Variants in B4GALNT3 observed in about 807,000 individuals in gnomAD.
The protein encoded by B4GALNT3 is beta-1,4-N-acetyl-galactosaminyltransferase 3, also known as beta-1,4-N-acetylgalactosaminyltransferase 3.
Under a neutral mutation model 120.2 loss-of-function variants are expected in B4GALNT3, and 86 were observed. The ratio of observed to expected loss-of-function variants is 0.72; its 90% CI spans 0.60 to 0.86. The LOEUF is 0.86. Among genes scored for constraint, B4GALNT3 ranks in the 40% least tolerant of loss-of-function variants. The pLI is 0.00. For synonymous variants in B4GALNT3, 518 were observed against 510.4 expected, an observed-to-expected ratio of 1.01 and a Z score of -0.20; for missense variants, 1,167 against 1,298.9, an observed-to-expected ratio of 0.90 and a Z score of 1.56.
intron 1 of B4GALNT3, among the ~76,000 whole-genome samples, chr12:490,352 A>G (rs1328449990): frequency 6.6e-6 from 1 of 152,214 alleles, no homozygotes; most frequent in Non-Finnish European, 1.5e-5. Context: ...CCTCTAAGCC[A>G]TGCTAACTAA....
intron 1 of B4GALNT3, among the ~76,000 whole-genome samples, chr12:512,260 CTT>C (rs568412090): frequency 1.2e-5 from 1 of 83,972 alleles, no homozygotes; most frequent in Non-Finnish European, 2.1e-5. Context: ...CTTCCACCTT[CTT>C]CCACCTTCTT....
Position 545,355 on chromosome 12 carries a change from TC to T in B4GALNT3, c.539-10del. 6.2e-7 allele frequency: 1 copy of T among 1,603,844 alleles called. No homozygotes were observed. The highest frequency in any genetic ancestry group is 8.5e-7 in the Non-Finnish European group (1 of 1,175,882). On this transcript the variant is annotated splice_polypyrimidine_tract_variant and intron_variant, in intron 5 of 19. Transcript: ENST00000266383. Reference sequence around the variant, plus strand: ...CCTCCTTGCCCTCATCTGGAAACTCTCCCCGCTGCCCAGGGAAAATCCAGTT... The same window carrying T: ...CCTCCTTGCCCTCATCTGGAAACTCTCCCGCTGCCCAGGGAAAATCCAGTT...
intron 1 of B4GALNT3, among the ~76,000 whole-genome samples, chr12:528,676 C>T (rs149419410): frequency 1.3e-4 from 20 of 152,124 alleles, no homozygotes; most frequent in African/African-American, 4.6e-4. Context: ...AGGTTTCTGG[C>T]GGGGTTCAGG....
intron 1 of B4GALNT3, among the ~76,000 whole-genome samples, chr12:464,342 A>T (rs929953734): frequency 3.3e-5 from 5 of 152,176 alleles, no homozygotes; most frequent in African/African-American, 9.7e-5. Context: ...AGAGTTCTGG[A>T]CTAGAGGCCG....
chr12:546,877 C>T (rs528385597), intron 7 of B4GALNT3, 164 bp downstream of exon 7: 8 of 656,770 alleles, frequency 1.2e-5, no homozygotes, highest in African/African-American at 5.5e-5. Context: ...CGAGCCCATC[C>T]GTCCTCGTTT....
intron 1 of B4GALNT3, among the ~76,000 whole-genome samples, chr12:506,851 T>C (rs895190928): frequency 1.3e-5 from 2 of 152,200 alleles, no homozygotes; most frequent in Non-Finnish European, 2.9e-5. Flanking sequence ...TTAGCCAGGA[T>C]GGTCTCGATC....
chr12:484,439 G>T (rs1306015193), intron 1 of B4GALNT3, among the ~76,000 whole-genome samples: 1 of 152,144 alleles, frequency 6.6e-6, no homozygotes, highest in African/African-American at 2.4e-5. Flanking sequence ...AGTGGTTCTC[G>T]GCCTGGCTGC....
chr12:558,818 C>T (rs1339643223), intron 18 of B4GALNT3, among the ~76,000 whole-genome samples, 157 bp downstream of exon 18: 1 of 151,890 alleles, frequency 6.6e-6, no homozygotes, highest in Non-Finnish European at 1.5e-5. Flanking sequence ...ACTCACCAGA[C>T]AAGGTCCCCT....
At chr12:552,618 C>T in intron 13 of B4GALNT3, 90 bp downstream of exon 13, 1 of 1,281,352 alleles carries the variant, frequency 7.8e-7, no homozygotes, top group Non-Finnish European at 1.1e-6. Context: ...GCCAGCCCCG[C>T]CCCTGAGGAG....
intron 1 of B4GALNT3, among the ~76,000 whole-genome samples, chr12:469,560 T>C (rs944097402): frequency 4.6e-5 from 7 of 152,270 alleles, no homozygotes; most frequent in African/African-American, 1.4e-4. Flanking sequence ...CTTCAATCAC[T>C]TTTTTCCTCC....
intron 3 of B4GALNT3, among the ~76,000 whole-genome samples, chr12:536,745 G>A (rs56112138): frequency 0.1 from 15,868 of 152,270 alleles, 1,049 homozygotes; most frequent in South Asian, 0.15. Flanking sequence ...GGCCTACTGT[G>A]TGGCAGGCTT....
intron 1 of B4GALNT3, among the ~76,000 whole-genome samples, chr12:500,039 G>GTTGCTCTCTTT (rs1946423502): frequency 6.6e-6 from 1 of 152,140 alleles, no homozygotes; most frequent in African/African-American, 2.4e-5. Flanking sequence ...TTGCTCTCTT[G>GTTGCTCTCTTT]TTCGATAGCA....
intron 1 of B4GALNT3, among the ~76,000 whole-genome samples, chr12:514,284 A>G (rs56770340): frequency 0.029 from 3,720 of 129,502 alleles, 81 homozygotes; most frequent in African/African-American, 0.057. Context: ...TGCAAGCTCC[A>G]CCTCCCGGGT....
In B4GALNT3 at chr12:525,086, T is replaced by TTTTGTTTA. The variant is rs1555156518; in HGVS notation, c.170-10077_170-10076insGTTTATTT. The stretch of plus-strand genomic sequence containing the variant: ...TCTAGCCTCTTCATAAATAACACAA[T>TTTTGTTTA]TTTATTTATTTATTTATTTATTTAT... On this transcript the variant is annotated intron_variant, in intron 1 of 19. Coordinates refer to ENST00000266383, the MANE Select transcript of B4GALNT3 (RefSeq NM_173593.4). Among the ~76,000 whole-genome samples, 609 of 130,616 alleles carry TTTTGTTTA rather than the reference T, an allele frequency of 4.7e-3. 3 individuals are homozygous for TTTTGTTTA. The highest frequency in any genetic ancestry group is 0.015 in the African/African-American group (579 of 39,660). 85.7% of individuals were successfully genotyped at this position (130,616 alleles called of 152,430 possible). A position where few individuals can be genotyped will look rare whatever the true frequency, so the allele number is the denominator to read the frequency against.
intron 1 of B4GALNT3, among the ~76,000 whole-genome samples, chr12:461,812 G>A (rs1946025650): frequency 6.6e-6 from 1 of 152,156 alleles, no homozygotes; most frequent in Admixed American, 6.6e-5. Flanking sequence ...TGTGGTGATG[G>A]AAATCATTCC....
At chr12:470,650 C>T (rs753526268) in intron 1 of B4GALNT3, among the ~76,000 whole-genome samples, 14 of 152,134 alleles carry the variant, frequency 9.2e-5, no homozygotes, top group African/African-American at 2.4e-4. Flanking sequence ...AGGCAGGGGA[C>T]GTTGCACAGG....
rs1947036188 is a variant in B4GALNT3 at position 548,525 on chromosome 12, C to T, written c.853+228C>T. 6.6e-6 allele frequency among the ~76,000 whole-genome samples: 1 copy of T among 152,090 alleles called. No individual in the cohort carries two copies. The highest frequency in any genetic ancestry group is 2.4e-5 in the African/African-American group (1 of 41,412). ...CTGCTAGAAGCTCTCTGAGCCCTTG[C>T]CTCAGAAAAATGCCCTTGTCTACCC... is the stretch of plus-strand genomic sequence containing the variant. On this transcript the variant is annotated intron_variant, in intron 9 of 19. Transcript: ENST00000266383. This position sits in a 1 kb window ranked among gnomAD's most constrained non-coding sequence, Gnocchi z 4.9.
At chr12:560,528 T>C (rs943328595) in intron 19 of B4GALNT3, among the ~76,000 whole-genome samples, 1 of 152,098 alleles carries the variant, frequency 6.6e-6, no homozygotes, top group Non-Finnish European at 1.5e-5. Flanking sequence ...TGGTGTTTTT[T>C]CCCGTTGAGG....
chr12:534,976 C>T, intron 1 of B4GALNT3, among the ~76,000 whole-genome samples, 190 bp from the exon 2 acceptor site: 1 of 152,214 alleles, frequency 6.6e-6, no homozygotes, highest in East Asian at 1.9e-4. Flanking sequence ...AGCTCATCTC[C>T]TCTCTCTGCC....
Sources: gnomAD v4.1 joint callset for allele counts (sites outside exome capture counted in the v4.1 genomes callset) on GRCh38, gnomAD v4.1.1 for gene constraint, Gnocchi (gnomAD v3.1) non-coding constraint, MANE v1.5 for transcripts, NCBI Gene and HGNC (gene_info 2026-07-23, HGNC 2026-07-21) for gene names.